C3orf52: variants seen among roughly 807,000 people sequenced by gnomAD.
C3orf52 encodes chromosome 3 open reading frame 52, also known as TPA-induced transmembrane protein.
In C3orf52, 22 loss-of-function variants were observed where a neutral mutation model predicts 24.8. That is an observed-to-expected ratio of 0.89 (90% CI 0.63 to 1.27). The LOEUF is 1.27. Ranked by LOEUF, C3orf52 falls within the 50% of genes most tolerant of loss-of-function variation. The pLI, the probability that C3orf52 is intolerant of heterozygous loss-of-function variation, is 0.00. For synonymous variants in C3orf52, 93 were observed against 100.2 expected (o/e 0.93, Z 0.43); for missense variants, 265 against 260.7 (o/e 1.02, Z -0.11).
chr3:112,104,760 C>T (rs1392225068), intron 3 of C3orf52, among the ~76,000 whole-genome samples: 1 of 152,070 alleles, frequency 6.6e-6, no homozygotes, highest in Non-Finnish European at 1.5e-5. Context: ...GTACACTGTG[C>T]CCAATTTGTA....
At chr3:112,109,341 A>C (rs1281229692) in intron 3 of C3orf52, among the ~76,000 whole-genome samples, 2 of 152,218 alleles carry the variant, frequency 1.3e-5, no homozygotes, top group East Asian at 3.8e-4. Flanking sequence ...TTTGGTCCTT[A>C]TAAATGGAGT....
intron 4 of C3orf52, chr3:112,111,680 C>A (rs1004710671): frequency 1.3e-5 from 2 of 152,218 alleles, no homozygotes; most frequent in East Asian, 3.8e-4. Flanking sequence ...CAAGTCCTTG[C>A]CCCTGGGAAT....
At chr3:112,128,280 C>T in exon 5 of C3orf52, 5 of 685,436 alleles carry the variant, frequency 7.3e-6, no homozygotes, top group South Asian at 6.0e-5. Flanking sequence ...AAGCTTTCTG[C>T]TGTGTTCCCA....
chr3:112,099,290 G>T (rs2073951551), intron 2 of C3orf52, among the ~76,000 whole-genome samples: 1 of 152,128 alleles, frequency 6.6e-6, no homozygotes, highest in South Asian at 2.1e-4. Flanking sequence ...CGCTCACATT[G>T]GTGGTTAGAT....
intron 5 of C3orf52, among the ~76,000 whole-genome samples, chr3:112,116,403 A>T (rs1159408186): frequency 6.6e-6 from 1 of 152,216 alleles, no homozygotes; most frequent in Non-Finnish European, 1.5e-5. Flanking sequence ...ATTATTTCTC[A>T]TGCATCCTAC....
chr3:112,098,741 G>A (rs903304498), intron 2 of C3orf52, among the ~76,000 whole-genome samples: 16 of 152,120 alleles, frequency 1.1e-4, no homozygotes, highest in African/African-American at 3.4e-4. Flanking sequence ...GTCTGGTGAG[G>A]GCACACTTTT....
downstream of C3orf52, chr3:112,122,575 C>A (rs902900559): frequency 2.0e-5 from 3 of 152,224 alleles, no homozygotes; most frequent in East Asian, 5.8e-4. Context: ...TTATACATGA[C>A]ATTATTAAAT....
At chr3:112,090,314 G>A (rs1193379330) in intron 1 of C3orf52, among the ~76,000 whole-genome samples, 1 of 67,804 alleles carries the variant, frequency 1.5e-5, no homozygotes, top group African/African-American at 7.3e-5. Flanking sequence ...TTTTTCATTT[G>A]AGAGAGTCTC....
chr3:112,107,850 C>T (rs1015628265), intron 3 of C3orf52, among the ~76,000 whole-genome samples: 7 of 152,212 alleles, frequency 4.6e-5, no homozygotes, highest in Admixed American at 6.5e-5. Context: ...ATGGGTTGTA[C>T]ATGTTGAGTT....
chr3:112,109,689 C>T, intron 4 of C3orf52, 76 bp downstream of exon 4: 1 of 875,640 alleles, frequency 1.1e-6, no homozygotes, highest in Non-Finnish European at 1.9e-6. Context: ...CGTCATTTAC[C>T]TAGCAGGGAT....
At chr3:112,124,043 C>T (rs1346873770) in intron 4 of C3orf52, among the ~76,000 whole-genome samples, 1 of 152,146 alleles carries the variant, frequency 6.6e-6, no homozygotes, top group Non-Finnish European at 1.5e-5. Context: ...GATATTCGTC[C>T]CCTGCAAATC....
intron 2 of C3orf52, among the ~76,000 whole-genome samples, chr3:112,102,070 C>T (rs1454315114): frequency 6.7e-6 from 1 of 149,046 alleles, no homozygotes; most frequent in African/African-American, 2.5e-5. Flanking sequence ...AGCTTCCCTT[C>T]TGCAAGCAGA....
chr3:112,128,823 T>G (rs1295583231), downstream of C3orf52: 1 of 152,560 alleles, frequency 6.6e-6, no homozygotes, highest in Non-Finnish European at 1.5e-5. Flanking sequence ...TCTGTACATT[T>G]TTCTGAATTT....
intron 4 of C3orf52, chr3:112,111,697 TG>T (rs2074084652): frequency 6.6e-6 from 1 of 152,186 alleles, no homozygotes; most frequent in South Asian, 2.1e-4. Context: ...GAATGCAGGG[TG>T]GCTGGCTGTG....
intron 1 of C3orf52, among the ~76,000 whole-genome samples, 177 bp downstream of exon 1, chr3:112,086,722 C>A (rs1026378037): frequency 1.3e-5 from 2 of 152,126 alleles, no homozygotes; most frequent in Non-Finnish European, 2.9e-5. Flanking sequence ...CCTTTCGGCC[C>A]GAGCAGTCCC....
At chr3:112,131,637 C>T (rs1576173961), downstream of C3orf52, among the ~76,000 whole-genome samples, 1 of 152,068 alleles carries the variant, frequency 6.6e-6, no homozygotes, top group Non-Finnish European at 1.5e-5. Context: ...CAAGGGAGAC[C>T]TTTTAAATCA....
chr3:112,091,087 C>T (rs2073873027), intron 1 of C3orf52, among the ~76,000 whole-genome samples: 1 of 152,180 alleles, frequency 6.6e-6, no homozygotes, highest in Non-Finnish European at 1.5e-5. Context: ...TAAGTGCTCC[C>T]CTCGCACCTC....
In C3orf52 at chr3:112,101,296, A is replaced by G. The variant is rs75608948; in HGVS notation, c.269-1542A>G. ...AGAGAAAACCAGGAGCAAGCTTTCA[A>G]GTGTCCTCTCTCAGTGGAGTTGCAC... On this transcript the variant is annotated intron_variant, in intron 2 of 5. Coordinates refer to ENST00000264848, the MANE Select transcript of C3orf52 (RefSeq NM_024616.3). Among the ~76,000 whole-genome samples the G allele has an allele frequency of 5.9e-3, 893 of 152,328 alleles. 20 individuals carry two copies. Among genetic ancestry groups the G allele is most frequent in the East Asian group, 0.051 (262 of 5,188 alleles).
intron 2 of C3orf52, among the ~76,000 whole-genome samples, chr3:112,099,586 C>A (rs2073954346): frequency 6.6e-6 from 1 of 152,152 alleles, no homozygotes; most frequent in African/African-American, 2.4e-5. Context: ...TTTCTCTAAG[C>A]CTCAGTGTCT....
Sources: gnomAD v4.1 joint callset for allele counts (sites outside exome capture counted in the v4.1 genomes callset) on GRCh38, gnomAD v4.1.1 for gene constraint, MANE v1.5 for transcripts, NCBI Gene and HGNC (gene_info 2026-07-23, HGNC 2026-07-21) for gene names.